Variants in SRP72 observed in about 807,000 individuals in gnomAD.
SRP72 encodes signal recognition particle subunit SRP72.
SRP72 carries 49 observed loss-of-function variants against 96.3 expected under a neutral mutation model. The ratio of observed to expected loss-of-function variants is 0.51; its 90% CI spans 0.40 to 0.65. The LOEUF is 0.65. Among genes scored for constraint, SRP72 ranks in the 30% least tolerant of loss-of-function variants. The pLI is 0.00. For missense variants in SRP72, 736 were observed against 793.3 expected (o/e 0.93, Z 0.87); for synonymous variants, 267 against 275.2 (o/e 0.97, Z 0.30).
intron 9 of SRP72, 141 bp from the exon 10 acceptor site, chr4:56,484,595 A>G: frequency 4.6e-6 from 5 of 1,098,304 alleles, no homozygotes; most frequent in Non-Finnish European, 6.6e-6. Context: ...TAGATACTGT[A>G]AACTGATTCT....
intron 2 of SRP72, among the ~76,000 whole-genome samples, chr4:56,470,196 A>G (rs1719917771): frequency 6.6e-6 from 1 of 151,720 alleles, no homozygotes; most frequent in South Asian, 2.1e-4. Context: ...AATATATATT[A>G]TACTTCCTTT....
chr4:56,493,367 A>T (rs114833101), intron 16 of SRP72, among the ~76,000 whole-genome samples: 3,053 of 152,182 alleles, frequency 0.02, 98 homozygotes, highest in African/African-American at 0.07. Flanking sequence ...AATCATTAAG[A>T]TATACATTGA....
chr4:56,492,562 C>A (rs1720946400), intron 16 of SRP72, among the ~76,000 whole-genome samples: 1 of 152,064 alleles, frequency 6.6e-6, no homozygotes, highest in African/African-American at 2.4e-5. Flanking sequence ...CTTTTGAAAT[C>A]TAAATTTTTC....
intron 8 of SRP72, among the ~76,000 whole-genome samples, chr4:56,479,610 C>G (rs4242001): frequency 0.99 from 147,879 of 149,830 alleles, 72,985 homozygotes; most frequent in East Asian, 1. Flanking sequence ...CTCCCAAGTA[C>G]CTGGGACCAC....
At chr4:56,474,867 G>GTAGAGATGGTTTTC (rs1442258335) in intron 5 of SRP72, among the ~76,000 whole-genome samples, 1 of 152,156 alleles carries the variant, frequency 6.6e-6, no homozygotes, top group Non-Finnish European at 1.5e-5. Flanking sequence ...TGTATTTTCA[G>GTAGAGATGGTTTTC]TAGAGATGGT....
chr4:56,501,699 T>C lies in SRP72; in HGVS notation c.1854T>C (p.Thr618=). The change falls in exon 19 of 19, where the codon ACT becomes ACC. Residue 618 remains threonine, a synonymous_variant. Coordinates refer to ENST00000642900, the MANE Select transcript of SRP72 (RefSeq NM_006947.4). ...GASSELDASK[T]VSSPPTSPRP... ...ATGATTTCAGGGATGCCAGTAAAAC[T>C]GTGAGCAGCCCACCCACCTCCCCAA... 2 of 1,613,648 alleles carry C rather than the reference T, an allele frequency of 1.2e-6. No homozygotes were observed. The highest frequency in any genetic ancestry group is 1.7e-4 in the Middle Eastern group (1 of 6,060).
intron 15 of SRP72, 87 bp downstream of exon 15, chr4:56,490,732 A>G (rs569671724): frequency 7.9e-5 from 88 of 1,118,534 alleles, no homozygotes; most frequent in African/African-American, 9.5e-5. Context: ...AGCTTTTTCA[A>G]TTGTAAACTG....
intron 9 of SRP72, among the ~76,000 whole-genome samples, 190 bp from the exon 10 acceptor site, chr4:56,484,546 A>G (rs148311775): frequency 6.6e-6 from 1 of 152,336 alleles, no homozygotes; most frequent in African/African-American, 2.4e-5. Context: ...ATTAAATTCA[A>G]TAAATGGAAA....
rs1720239758 is a variant in SRP72, at chr4:56,476,779, T to TA, written c.642+77_642+78insA. On this transcript the variant is annotated intron_variant, in intron 6 of 18. Coordinates refer to ENST00000642900, the MANE Select transcript of SRP72 (RefSeq NM_006947.4). ...GATTACTGAGGCTTCATTGTACTAT[T>TA]TATTGACTTTTTTTAGAAGATGGCA... 6.8e-6 allele frequency: 10 copies of TA among 1,474,200 alleles called. No individual in the cohort carries two copies. In the South Asian group the frequency reaches 1.2e-4, roughly 18 times the overall value. 91.3% of individuals were successfully genotyped at this position (1,474,200 alleles called of 1,614,324 possible).
Position 56,484,772 on chromosome 4 carries a change from T to C in SRP72, c.994T>C (p.Ser332Pro). 1 of 1,614,198 alleles carries C rather than the reference T, an allele frequency of 6.2e-7. No homozygotes were observed. The highest frequency in any genetic ancestry group is 8.5e-7 in the Non-Finnish European group (1 of 1,180,044). Residue 332 changes from serine (S) to proline (P), a missense_variant, in exon 10 of 19, where the codon TCC becomes CCC. Ser to Pro is a moderately conservative substitution (Grantham distance 74). This residue lies in a region of SRP72 where 388 missense variants were observed against 431.8 expected (regional missense o/e 0.90). Transcript: ENST00000642900. ...QCRKISASLQ[S>P]QSPEHLLPVL... ...CCGCAAAATATCTGCCAGTTTACAG[T>C]CCCAAAGTCCCGAGCATCTCTTACC... is the stretch of plus-strand genomic sequence containing the variant.
chr4:56,483,348 T>G (rs1720574409), intron 9 of SRP72, 78 bp downstream of exon 9: 9 of 1,393,226 alleles, frequency 6.5e-6, no homozygotes, highest in Non-Finnish European at 7.8e-6. Context: ...ATTAGTCTAA[T>G]CTTTTTATAG....
Position 56,482,991 on chromosome 4 carries a change from A to T in SRP72, c.826-148A>T. 6 of 617,748 alleles carry T rather than the reference A, an allele frequency of 9.7e-6. 1 individual carries two copies. In the South Asian group the frequency reaches 1.3e-4, roughly 13 times the overall value. 38.3% of individuals were successfully genotyped at this position (617,748 alleles called of 1,614,324 possible). ...ATTTGAATTACTTCTGTGAATCAGG[A>T]TAAATTTATATGCATCTTATTAGCT... is the stretch of plus-strand genomic sequence containing the variant. On this transcript the variant is annotated intron_variant, in intron 8 of 18. Coordinates refer to ENST00000642900, the MANE Select transcript of SRP72 (RefSeq NM_006947.4).
chr4:56,483,167 A>C lies in SRP72; in HGVS notation c.854A>C (p.Lys285Thr). Residue 285 changes from lysine (K) to threonine (T), a missense_variant, in exon 9 of 19, where the codon AAA (lysine) becomes ACA (threonine). Transcript: ENST00000642900. ...CAAAATGTCTTTGACTCCAAGAAGA[A>C]AGTGAAATTAACCAATGCGGAAGGA... is the stretch of plus-strand genomic sequence containing the variant. Reference protein sequence around the residue: ...KDQNVFDSKKKVKLTNAEGVE... With the variant: ...KDQNVFDSKKTVKLTNAEGVE... 1 of 1,611,554 alleles carries C rather than the reference A, an allele frequency of 6.2e-7. No individual in the cohort carries two copies. Among genetic ancestry groups the C allele is most frequent in the East Asian group, 2.2e-5 (1 of 44,756 alleles).
chr4:56,500,707 C>T lies in SRP72; in HGVS notation c.1838+12C>T. The T allele has an allele frequency of 1.2e-6, 2 of 1,608,618 alleles. No homozygotes were observed. The highest frequency in any genetic ancestry group is 1.7e-6 in the Non-Finnish European group (2 of 1,177,300). ...GCTTCATCTGAACTGTAAGTTATTG[C>T]TCCACAATTGAGGGCACTTAGAACA... is the stretch of plus-strand genomic sequence containing the variant. On this transcript the variant is annotated intron_variant, in intron 18 of 18. Coordinates refer to ENST00000642900, the MANE Select transcript of SRP72 (RefSeq NM_006947.4).
chr4:56,489,964 G>C (rs1720851769), intron 13 of SRP72, among the ~76,000 whole-genome samples: 1 of 152,190 alleles, frequency 6.6e-6, no homozygotes, highest in African/African-American at 2.4e-5. Flanking sequence ...CATTTATACT[G>C]TTAGTACTGT....
chr4:56,472,919 A>G (rs142743148), intron 3 of SRP72, among the ~76,000 whole-genome samples: 1 of 152,310 alleles, frequency 6.6e-6, no homozygotes, highest in African/African-American at 2.4e-5. Flanking sequence ...CACAACTTGA[A>G]TGAAATCAGT....
intron 17 of SRP72, among the ~76,000 whole-genome samples, chr4:56,498,450 A>C (rs1333040656): frequency 1.3e-5 from 2 of 152,186 alleles, no homozygotes; most frequent in Non-Finnish European, 2.9e-5. Context: ...GAAAGAAATA[A>C]AGGATATTCA....
At position 56,471,801 on chromosome 4, in the gene SRP72, C is replaced by T. The variant is rs1719990324; in HGVS notation, c.312C>T (p.Ala104=). The part of the protein sequence containing the change: ...IENALKTIES[A]NQQTDKLKEL... ...ATGCCTTGAAGACAATAGAAAGTGC[C>T]AACCAGCAGACAGACAAACTGAAGG... Residue 104 remains alanine, a synonymous_variant, in exon 3 of 19, where the codon GCC becomes GCT. Coordinates refer to ENST00000642900, the MANE Select transcript of SRP72 (RefSeq NM_006947.4). 6.2e-7 allele frequency: 1 copy of T among 1,613,852 alleles called. No homozygotes were observed. The highest frequency in any genetic ancestry group is 1.3e-5 in the African/African-American group (1 of 74,892).
chr4:56,491,356 A>G, intron 15 of SRP72, 75 bp from the exon 16 acceptor site: 3 of 1,508,932 alleles, frequency 2.0e-6, no homozygotes, highest in East Asian at 2.3e-5. Context: ...CAATAGATAC[A>G]TTGGCAAACA....
Sources: allele counts gnomAD v4.1 joint callset (sites outside exome capture counted in the v4.1 genomes callset), GRCh38; gene constraint gnomAD v4.1.1; regional missense constraint gnomAD v4.1.1; transcripts MANE v1.5; gene names NCBI Gene and HGNC (gene_info 2026-07-23, HGNC 2026-07-21).